The following ZNF709 variants were observed in gnomAD, a reference collection of about 807,000 sequenced individuals.
The protein encoded by ZNF709 is zinc finger protein 709.
In ZNF709, 15 loss-of-function variants were observed where a neutral mutation model predicts 10.6. The ratio of observed to expected loss-of-function variants is 1.41; its 90% confidence interval spans 0.95 to 2.18. ZNF709 has a LOEUF of 2.18. ZNF709 is among the 30% of genes most tolerant of loss of function. The pLI is 0.00. For missense variants in ZNF709, 589 were observed against 774.0 expected (o/e 0.76, Z 2.84); for synonymous variants, 194 against 238.8 (o/e 0.81, Z 1.73).
chr19:12,475,257 T>TAAAAAAAAA (rs71166684), intron 1 of ZNF709, among the ~76,000 whole-genome samples: 3 of 44,732 alleles, frequency 6.7e-5, no homozygotes, highest in Non-Finnish European at 1.3e-4. Flanking sequence ...GATTCCGTCT[T>TAAAAAAAAA]AAAAAAAAAA....
chr19:12,483,979 A>C (rs1480948319), intron 1 of ZNF709, among the ~76,000 whole-genome samples: 1 of 152,136 alleles, frequency 6.6e-6, no homozygotes, highest in East Asian at 1.9e-4. Flanking sequence ...AGGTAGCTTC[A>C]AGTCCTTCTC....
At position 12,470,715 on chromosome 19, in the gene ZNF709, C is replaced by T. The variant is rs979383144; in HGVS notation, c.4-3865G>A. Among the ~76,000 whole-genome samples, 62 of 152,032 alleles carry T rather than the reference C, an allele frequency of 4.1e-4. 1 individual carries two copies. The highest frequency in any genetic ancestry group is 1.4e-3 in the African/African-American group (59 of 41,376). On this transcript the variant is annotated intron_variant, in intron 1 of 3. Coordinates refer to ENST00000397732, the MANE Select transcript of ZNF709 (RefSeq NM_152601.4). ...GGCTGAGGTGGGCGGATCACAAGGT[C>T]AGGAGATCGAGACCATCCTGGCTAA...
Position 12,464,896 on chromosome 19 carries a change from C to T in ZNF709, c.1026G>A (p.Gly342=), listed in dbSNP as rs1226479341. The T allele has an allele frequency of 1.2e-6, 2 of 1,613,348 alleles. No homozygotes were observed. The highest frequency in any genetic ancestry group is 1.7e-6 in the Non-Finnish European group (2 of 1,179,798). The part of the protein sequence containing the change: ...GEKPYDCKEC[G]KAFISLPSYR... ...AGCTTGGAAGAGAAATGAATGCTTT[C>T]CCACATTCCTTACAATCATAGGGTT... Residue 342 remains glycine (G), a synonymous_variant, in exon 4 of 4, where the codon GGG becomes GGA. Transcript: ENST00000397732.
Position 12,464,051 on chromosome 19 carries a change from G to C in ZNF709, c.1871C>G (p.Ala624Gly), listed in dbSNP as rs1017447014. 2.6e-6 allele frequency: 4 copies of C among 1,536,858 alleles called. No individual in the cohort carries two copies. Among genetic ancestry groups the C allele is most frequent in the Non-Finnish European group, 3.5e-6 (4 of 1,147,630 alleles). Residue 624 changes from alanine (A) to glycine (G), a missense_variant, in exon 4 of 4, where the codon GCC (alanine) becomes GGC (glycine). This residue lies in a region of ZNF709 where 171 missense variants were observed against 277.7 expected (regional missense o/e 0.62). Transcript: ENST00000397732. The part of the protein sequence containing the change: ...KPYACQQCGK[A>G]FKCSRSFRIH... ...TCGAAAGGAACGGGAACACTTGAAGGCTTTACCACATTGTTGACATGCATA... is the reference window on the plus strand; with the variant it reads ...TCGAAAGGAACGGGAACACTTGAAGCCTTTACCACATTGTTGACATGCATA...
intron 1 of ZNF709, among the ~76,000 whole-genome samples, chr19:12,467,612 A>T (rs1970586951): frequency 7.0e-6 from 1 of 142,614 alleles, no homozygotes; most frequent in African/African-American, 2.7e-5. Context: ...ATCGTCTGGG[A>T]TGTGAGGAGC....
intron 1 of ZNF709, among the ~76,000 whole-genome samples, chr19:12,481,668 T>A (rs577980867): frequency 3.7e-4 from 56 of 152,052 alleles, no homozygotes; most frequent in Non-Finnish European, 7.5e-4. Flanking sequence ...GAAACTAGAA[T>A]TCAGCTGCTG....
intron 1 of ZNF709, among the ~76,000 whole-genome samples, chr19:12,474,148 G>T (rs1970658103): frequency 6.6e-6 from 1 of 152,190 alleles, no homozygotes; most frequent in South Asian, 2.1e-4. Flanking sequence ...GATCTTCAAA[G>T]CTCATTTATC....
chr19:12,475,201 T>G, intron 1 of ZNF709, among the ~76,000 whole-genome samples: 1 of 132,366 alleles, frequency 7.6e-6, no homozygotes, highest in African/African-American at 2.8e-5. Context: ...GAGGTTGCAG[T>G]GAGCCAAGAT....
chr19:12,484,046 A>G lies in ZNF709; in HGVS notation c.3+609T>C, dbSNP rs1022634881. On this transcript the variant is annotated intron_variant, in intron 1 of 3. Coordinates refer to ENST00000397732, the MANE Select transcript of ZNF709 (RefSeq NM_152601.4). ...GCATACGTTAAATCTTTTTAAAAGA[A>G]CCATCCATTCCTCTGTACAAAAAGG... Among the ~76,000 whole-genome samples, 22 of 152,228 alleles carry G rather than the reference A, an allele frequency of 1.4e-4. 2 individuals are homozygous for G. The highest frequency in any genetic ancestry group is 1.2e-3 in the Admixed American group (18 of 15,276).
intron 1 of ZNF709, among the ~76,000 whole-genome samples, chr19:12,476,284 C>A (rs1970677697): frequency 6.6e-6 from 1 of 151,564 alleles, no homozygotes; most frequent in African/African-American, 2.4e-5. Flanking sequence ...CCCACCTACT[C>A]AGGAGGCTGA....
At chr19:12,467,246 T>C (rs1427069582) in intron 1 of ZNF709, among the ~76,000 whole-genome samples, 1 of 152,168 alleles carries the variant, frequency 6.6e-6, no homozygotes, top group Non-Finnish European at 1.5e-5. Context: ...TGCCTGATTC[T>C]CCTGCCTCAG....
At chr19:12,471,026 T>C (rs975591088) in intron 1 of ZNF709, among the ~76,000 whole-genome samples, 27 of 152,200 alleles carry the variant, frequency 1.8e-4, no homozygotes, top group African/African-American at 6.3e-4. Flanking sequence ...GTCTGGACTT[T>C]TTCACATGCC....
intron 1 of ZNF709, 108 bp from the exon 2 acceptor site, chr19:12,466,958 A>G (rs1220918034): frequency 1.4e-6 from 2 of 1,440,308 alleles, no homozygotes; most frequent in Non-Finnish European, 1.8e-6. Flanking sequence ...TTATCCTGTA[A>G]CTTTGTCATC....
At chr19:12,468,690 T>TAAA (rs1039961850) in intron 1 of ZNF709, among the ~76,000 whole-genome samples, 2 of 82,332 alleles carry the variant, frequency 2.4e-5, no homozygotes, top group African/African-American at 4.5e-5. Context: ...GAATGATCAA[T>TAAA]AAAAAAAAAA....
chr19:12,476,166 A>T (rs541773689), intron 1 of ZNF709, among the ~76,000 whole-genome samples: 29 of 152,288 alleles, frequency 1.9e-4, no homozygotes, highest in Middle Eastern at 3.4e-3. Flanking sequence ...CCATGGCAGG[A>T]GGATAGCTTG....
At chr19:12,480,421 C>T (rs190422912) in intron 1 of ZNF709, among the ~76,000 whole-genome samples, 17 of 152,248 alleles carry the variant, frequency 1.1e-4, no homozygotes, top group Non-Finnish European at 2.1e-4. Context: ...CAGTGGCTCA[C>T]GCCTGTAATC....
intron 1 of ZNF709, among the ~76,000 whole-genome samples, chr19:12,474,555 T>C (rs1970661435): frequency 6.6e-6 from 1 of 152,248 alleles, no homozygotes; most frequent in Non-Finnish European, 1.5e-5. Flanking sequence ...AGCAGAGTGC[T>C]GGATCATGTA....
At position 12,462,622 on chromosome 19, in the gene ZNF709, G is replaced by C. The variant is rs922724344; in HGVS notation, c.*1374C>G. ...TTTTAGCATAAAAAATAGAAAAAAG[G>C]GTACTCTGTCTTCCTCTAAAAAAGC... On this transcript the variant is annotated 3_prime_UTR_variant, in exon 4 of 4. Transcript: ENST00000397732. The C allele has an allele frequency of 1.3e-5, 2 of 151,942 alleles. No homozygotes were observed. Among genetic ancestry groups the C allele is most frequent in the South Asian group, 2.1e-4 (1 of 4,818 alleles). The allele number at this position is 151,942 out of a possible 1,614,324, so 9.4% of individuals were successfully genotyped here. A position where few individuals can be genotyped will look rare whatever the true frequency, so the allele number is the denominator to read the frequency against.
Position 12,464,584 on chromosome 19 carries a change from T to C in ZNF709, c.1338A>G (p.Lys446=). 1 of 1,611,982 alleles carries C rather than the reference T, an allele frequency of 6.2e-7. No individual in the cohort carries two copies. The highest frequency in any genetic ancestry group is 1.1e-5 in the South Asian group (1 of 90,654). Residue 446 remains lysine (K), a synonymous_variant, in exon 4 of 4, where the codon AAA becomes AAG. Transcript: ENST00000397732. ...RIHERTHTGE[K]PYECKQCGKA... is the part of the protein sequence containing the mutation. The stretch of plus-strand genomic sequence containing the variant: ...TACCACACTGTTTACATTCATAGGG[T>C]TTCTCTCCAGTGTGAGTCCTTTCAT...
Sources: allele counts gnomAD v4.1 joint callset (sites outside exome capture counted in the v4.1 genomes callset), GRCh38; gene constraint gnomAD v4.1.1; regional missense constraint gnomAD v4.1.1; transcripts MANE v1.5; gene names NCBI Gene and HGNC (gene_info 2026-07-23, HGNC 2026-07-21).